KIAA1217: variants seen among roughly 807,000 people sequenced by gnomAD.
KIAA1217 encodes the protein sickle tail protein homolog.
Under a neutral mutation model 163.9 loss-of-function variants are expected in KIAA1217, and 88 were observed. That is an observed-to-expected ratio of 0.54 (90% CI 0.45 to 0.64). The LOEUF is 0.64. Ranked by LOEUF, KIAA1217 falls within the 30% of genes least tolerant of loss-of-function variation. KIAA1217 has a pLI of 0.00. For synonymous variants in KIAA1217, 903 were observed against 923.1 expected (o/e 0.98, Z 0.39); for missense variants, 2,372 against 2,475.0 (o/e 0.96, Z 0.88).
In KIAA1217 at chr10:24,380,852, T is replaced by TA; in HGVS notation, c.355-13dup. On this transcript the variant is annotated splice_polypyrimidine_tract_variant and intron_variant, in intron 2 of 20. Coordinates refer to ENST00000376454, the MANE Select transcript of KIAA1217 (RefSeq NM_019590.5). ...TAATAGTCTATTTTCCCACTTTCTT[T>TA]AAAATGCCTTTTGCAGACAAGGAGC... 6.7e-7 allele frequency: 1 copy of TA among 1,490,456 alleles called. No homozygotes were observed. The highest frequency in any genetic ancestry group is 9.0e-7 in the Non-Finnish European group (1 of 1,116,754). 92.3% of individuals were successfully genotyped at this position (1,490,456 alleles called of 1,614,324 possible). A position where few individuals can be genotyped will look rare whatever the true frequency, so the allele number is the denominator to read the frequency against.
intron 1 of KIAA1217, among the ~76,000 whole-genome samples, chr10:23,938,255 T>C (rs1043814856): frequency 6.6e-6 from 1 of 151,812 alleles, no homozygotes; most frequent in Non-Finnish European, 1.5e-5. Context: ...TCAGATAGAG[T>C]GCTTCGATGG....
chr10:23,751,106 C>T (rs1839713922), intron 1 of KIAA1217, among the ~76,000 whole-genome samples: 1 of 151,978 alleles, frequency 6.6e-6, no homozygotes, highest in African/African-American at 2.4e-5. Context: ...TAGCTCACTG[C>T]AACCTCCACC....
At position 24,199,333 on chromosome 10, in the gene KIAA1217, G is replaced by A. The variant is rs117980305; in HGVS notation, c.-170-20293G>A. Among the ~76,000 whole-genome samples the A allele has an allele frequency of 1.7e-3, 260 of 152,284 alleles. 2 individuals are homozygous for A. Among genetic ancestry groups the A allele is most frequent in the Middle Eastern group, 6.8e-3 (2 of 294 alleles). ...ATATGCAACTGTTTTATCAAACCCA[G>A]AATCTAACAATAATATAGATGAGAG... is the stretch of plus-strand genomic sequence containing the variant. On this transcript the variant is annotated intron_variant, in intron 2 of 18. Coordinates refer to the KIAA1217 transcript ENST00000376462.
intron 1 of KIAA1217, among the ~76,000 whole-genome samples, chr10:23,798,542 G>C (rs867769674): frequency 6.6e-6 from 1 of 152,152 alleles, no homozygotes; most frequent in South Asian, 2.1e-4. Context: ...ACTACCTCTT[G>C]AGTATAGTAG....
chr10:24,439,361 G>A (rs77224938), intron 5 of KIAA1217, among the ~76,000 whole-genome samples: 15,394 of 152,046 alleles, frequency 0.1, 836 homozygotes, highest in East Asian at 0.17. Context: ...CTCAAGTTTA[G>A]CTAGAAAAAT....
At chr10:23,723,781 A>T (rs541556400) in intron 1 of KIAA1217, among the ~76,000 whole-genome samples, 57 of 152,242 alleles carry the variant, frequency 3.7e-4, no homozygotes, top group South Asian at 8.3e-4. Context: ...GATTTTTTTT[A>T]AAAAATGTTA....
chr10:24,390,091 C>G (rs1247950200), intron 3 of KIAA1217, among the ~76,000 whole-genome samples: 1 of 152,136 alleles, frequency 6.6e-6, no homozygotes, highest in Admixed American at 6.5e-5. Flanking sequence ...ATTCTGCAAG[C>G]CATTTAATAA....
Position 23,730,199 on chromosome 10 carries a change from C to T in KIAA1217, c.-321+34965C>T, listed in dbSNP as rs536596726. On this transcript the variant is annotated intron_variant, in intron 1 of 18. Transcript: ENST00000376462. ...TACAGGCGTGAGCCACCATGCCCGG[C>T]TTCTATGAATTTTAAAGTTCTGCTT... is the stretch of plus-strand genomic sequence containing the variant. Among the ~76,000 whole-genome samples, 88 of 152,328 alleles carry T rather than the reference C, an allele frequency of 5.8e-4. 1 individual carries two copies. The highest frequency in any genetic ancestry group is 1.2e-3 in the Admixed American group (18 of 15,296).
chr10:24,379,945 G>C (rs960993861), intron 2 of KIAA1217, among the ~76,000 whole-genome samples: 7 of 152,186 alleles, frequency 4.6e-5, no homozygotes, highest in South Asian at 2.1e-4. Context: ...CCAGCTACTT[G>C]GGAGGTTGAG....
chr10:24,020,002 A>G (rs1033645121), intron 2 of KIAA1217, among the ~76,000 whole-genome samples: 1 of 152,110 alleles, frequency 6.6e-6, no homozygotes, highest in East Asian at 1.9e-4. Context: ...CTGCATAACA[A>G]GAATGATAAA....
rs544029329 is a variant in KIAA1217 at position 23,927,698 on chromosome 10, T to A, written c.-320-79527T>A. ...CTTTCCCAGAATAAATGCTTCTGAA[T>A]GTTTTCTTGCTTTGAGCTCCCTGAA... is the stretch of plus-strand genomic sequence containing the variant. On this transcript the variant is annotated intron_variant, in intron 1 of 18. Transcript: ENST00000376462. 1.3e-4 allele frequency among the ~76,000 whole-genome samples: 20 copies of A among 152,302 alleles called. 1 individual carries two copies. The highest frequency in any genetic ancestry group is 6.5e-4 in the Admixed American group (10 of 15,296).
chr10:24,038,364 A>G (rs1459678835), intron 2 of KIAA1217, among the ~76,000 whole-genome samples: 1 of 152,224 alleles, frequency 6.6e-6, no homozygotes, highest in Admixed American at 6.5e-5. Flanking sequence ...GTTTTGGTAC[A>G]GACATGTGAA....
chr10:24,341,510 T>G (rs1441117319), intron 2 of KIAA1217, among the ~76,000 whole-genome samples: 1 of 152,266 alleles, frequency 6.6e-6, no homozygotes, highest in Non-Finnish European at 1.5e-5. Flanking sequence ...TTATTTCTAC[T>G]TGTAGATACG....
chr10:23,803,132 G>C (rs1013717361), intron 1 of KIAA1217, among the ~76,000 whole-genome samples: 1 of 152,206 alleles, frequency 6.6e-6, no homozygotes, highest in African/African-American at 2.4e-5. Context: ...CTGGACTACA[G>C]TTGACTCACT....
chr10:24,465,591 G>A (rs962636846), intron 5 of KIAA1217, among the ~76,000 whole-genome samples: 9 of 152,190 alleles, frequency 5.9e-5, no homozygotes, highest in African/African-American at 1.7e-4. Context: ...GATAGCTTTC[G>A]GTTCCACCCA....
intron 2 of KIAA1217, among the ~76,000 whole-genome samples, chr10:24,083,506 G>C (rs2061601353): frequency 6.6e-6 from 1 of 152,172 alleles, no homozygotes; most frequent in Admixed American, 6.5e-5. Flanking sequence ...GTGGCTTAAG[G>C]TTTAGGGTAA....
At chr10:23,950,602 T>A (rs1458108807) in intron 1 of KIAA1217, among the ~76,000 whole-genome samples, 5 of 152,086 alleles carry the variant, frequency 3.3e-5, no homozygotes, top group Admixed American at 3.3e-4. Flanking sequence ...CATGCATGCA[T>A]GCATTCATGC....
In KIAA1217 at chr10:23,734,285, C is replaced by CT. The variant is rs145902051; in HGVS notation, c.-321+39066dup. Among the ~76,000 whole-genome samples the CT allele has an allele frequency of 2.7e-3, 395 of 143,814 alleles. 5 individuals are homozygous for CT. The highest frequency in any genetic ancestry group is 0.017 in the Admixed American group (240 of 14,318). The allele number at this position is 143,814 out of a possible 152,430, so 94.3% of individuals were successfully genotyped here. ...ATTGCCTTTGAATTTAGATTTAAAC[C>CT]TTTTTTTTTTTTTTTAAATAAGACA... is the stretch of plus-strand genomic sequence containing the variant. On this transcript the variant is annotated intron_variant, in intron 1 of 18. Transcript: ENST00000376462.
chr10:23,733,531 G>A (rs558925233), intron 1 of KIAA1217, among the ~76,000 whole-genome samples: 3 of 151,948 alleles, frequency 2.0e-5, no homozygotes, highest in Non-Finnish European at 4.4e-5. Context: ...ATCATCTTTA[G>A]ATTACTTATA....
Sources: gnomAD v4.1 joint callset for allele counts (sites outside exome capture counted in the v4.1 genomes callset) on GRCh38, gnomAD v4.1.1 for gene constraint, MANE v1.5 for transcripts, NCBI Gene and HGNC (gene_info 2026-07-23, HGNC 2026-07-21) for gene names.